COL4A2: variants seen among roughly 807,000 people sequenced by gnomAD.
The protein encoded by COL4A2 is collagen type IV alpha 2 chain.
A neutral mutation model predicts 200.2 loss-of-function variants in COL4A2; 99 were observed. The observed-to-expected ratio is 0.49, with a 90% confidence interval of 0.42 to 0.58. The LOEUF (loss-of-function observed/expected upper bound fraction) is 0.58. COL4A2 is among the 20% of genes least tolerant of loss of function. The pLI is 0.00. For missense variants in COL4A2, 1,950 were observed against 2,314.1 expected, an observed-to-expected ratio of 0.84 and a Z score of 3.23; for synonymous variants, 897 against 900.6, an observed-to-expected ratio of 1.00 and a Z score of 0.07.
chr13:110,336,519 C>G (rs746785047), intron 3 of COL4A2, among the ~76,000 whole-genome samples: 1 of 152,168 alleles, frequency 6.6e-6, no homozygotes, highest in Non-Finnish European at 1.5e-5. Flanking sequence ...CTGATCCTTA[C>G]GACGACCTGG....
chr13:110,511,173 C>T (rs1244838241), intron 47 of COL4A2, among the ~76,000 whole-genome samples: 1 of 151,734 alleles, frequency 6.6e-6, no homozygotes, highest in Non-Finnish European at 1.5e-5. Flanking sequence ...ATCCAGGAGG[C>T]CTGCCGTGCG....
intron 4 of COL4A2, among the ~76,000 whole-genome samples, chr13:110,366,295 C>A (rs973104228): frequency 3.9e-5 from 6 of 152,138 alleles, no homozygotes; most frequent in African/African-American, 1.4e-4. Context: ...ATCTGTCTTC[C>A]CTCATGCAGC....
intron 7 of COL4A2, chr13:110,429,269 T>C (rs1012849038): frequency 1.3e-5 from 2 of 152,336 alleles, no homozygotes; most frequent in Admixed American, 1.3e-4. Flanking sequence ...CTCCACCTGC[T>C]AGTTCACCTT....
At chr13:110,338,439 G>T (rs575714050) in intron 3 of COL4A2, among the ~76,000 whole-genome samples, 1 of 149,790 alleles carries the variant, frequency 6.7e-6, no homozygotes, top group Non-Finnish European at 1.5e-5. Flanking sequence ...GTGTGTGGGG[G>T]GGGGTGGGGG....
intron 3 of COL4A2, among the ~76,000 whole-genome samples, chr13:110,329,421 G>T (rs1255316867): frequency 2.6e-5 from 4 of 152,162 alleles, no homozygotes; most frequent in African/African-American, 9.7e-5. Context: ...GTGCCCTGCA[G>T]GGGAAGGCGT....
chr13:110,330,682 G>A (rs1303928787), intron 3 of COL4A2, among the ~76,000 whole-genome samples: 5 of 152,114 alleles, frequency 3.3e-5, no homozygotes, highest in East Asian at 1.9e-4. Context: ...GGGTCCCCGC[G>A]GCCTGCGGTG....
intron 20 of COL4A2, among the ~76,000 whole-genome samples, chr13:110,451,011 G>A (rs750332367): frequency 3.9e-5 from 6 of 152,186 alleles, no homozygotes; most frequent in South Asian, 2.1e-4. Context: ...AGTGACAGCC[G>A]TCCCCCAAGG....
chr13:110,398,853 AT>A (rs1422362967), intron 4 of COL4A2, among the ~76,000 whole-genome samples: 1 of 151,618 alleles, frequency 6.6e-6, no homozygotes, highest in African/African-American at 2.4e-5. Context: ...ATTTAGGTTG[AT>A]TTTTTTTTAA....
At chr13:110,507,697 C>T (rs1594117692) in intron 46 of COL4A2, 2 of 584,570 alleles carry the variant, frequency 3.4e-6, no homozygotes, top group Non-Finnish European at 6.1e-6. Flanking sequence ...CAACTTGGCC[C>T]AGTATGTGTG....
Position 110,501,777 on chromosome 13 carries a change from C to T in COL4A2, c.3870C>T (p.Gly1290=). 6.2e-7 allele frequency: 1 copy of T among 1,613,336 alleles called. No individual in the cohort carries two copies. The highest frequency in any genetic ancestry group is 8.5e-7 in the Non-Finnish European group (1 of 1,179,550). The change falls in exon 41 of 48, where the codon GGC becomes GGT. Residue 1290 remains glycine (G), a synonymous_variant. Transcript: ENST00000360467. ...ACAAAGGGGCGCCAGGGATATTTGG[C>T]CTGAAAGGTAAGCAGGACTTATACA... ...PGDKGAPGIF[G]LKGYRGPPGP... is the part of the protein sequence containing the mutation.
chr13:110,364,060 T>G (rs1339142610), intron 4 of COL4A2, among the ~76,000 whole-genome samples: 1 of 152,312 alleles, frequency 6.6e-6, no homozygotes, highest in East Asian at 1.9e-4. Flanking sequence ...GTGCTGCTGG[T>G]CGGACCTCTT....
intron 16 of COL4A2, among the ~76,000 whole-genome samples, chr13:110,442,443 TG>T (rs1353768070): frequency 6.6e-6 from 1 of 152,202 alleles, no homozygotes; most frequent in Non-Finnish European, 1.5e-5. Context: ...ACTGGCCAGG[TG>T]GCCATCACTC....
At chr13:110,502,881 C>T in intron 41 of COL4A2, 2 of 453,976 alleles carry the variant, frequency 4.4e-6, no homozygotes, top group Non-Finnish European at 7.8e-6. Flanking sequence ...AGTTCTGGAG[C>T]TGGTCGGCGG....
At chr13:110,342,739 A>G (rs1876514540) in intron 3 of COL4A2, among the ~76,000 whole-genome samples, 1 of 152,138 alleles carries the variant, frequency 6.6e-6, no homozygotes, top group Admixed American at 6.5e-5. Context: ...GGTCCAAAGC[A>G]AATCAAGTTT....
chr13:110,312,995 G>C (rs1337179055), intron 3 of COL4A2, among the ~76,000 whole-genome samples: 1 of 152,152 alleles, frequency 6.6e-6, no homozygotes, highest in Non-Finnish European at 1.5e-5. Flanking sequence ...GGTGAGCCGG[G>C]GTCTCCGCTG....
chr13:110,363,139 C>T (rs956663941), intron 4 of COL4A2, among the ~76,000 whole-genome samples: 8 of 152,214 alleles, frequency 5.3e-5, no homozygotes, highest in Non-Finnish European at 8.8e-5. Flanking sequence ...AGAGAACCCA[C>T]GTCATCAGCC....
chr13:110,381,238 C>T (rs1245623443), intron 4 of COL4A2, among the ~76,000 whole-genome samples: 3 of 151,614 alleles, frequency 2.0e-5, no homozygotes, highest in Admixed American at 6.6e-5. Flanking sequence ...GACTCTGTCT[C>T]ACACCCATGG....
chr13:110,441,158 C>G (rs967373961), intron 16 of COL4A2, among the ~76,000 whole-genome samples: 4 of 152,218 alleles, frequency 2.6e-5, no homozygotes, highest in Non-Finnish European at 5.9e-5. Context: ...ATCAAAATCA[C>G]TAGCCTCAGA....
At chr13:110,397,348 C>G (rs954326929) in intron 4 of COL4A2, among the ~76,000 whole-genome samples, 3 of 152,180 alleles carry the variant, frequency 2.0e-5, no homozygotes, top group African/African-American at 4.8e-5. Flanking sequence ...CACTCTGGGT[C>G]CCTGTCATTT....
Sources: allele counts gnomAD v4.1 joint callset (sites outside exome capture counted in the v4.1 genomes callset), GRCh38; gene constraint gnomAD v4.1.1; transcripts MANE v1.5; gene names NCBI Gene and HGNC (gene_info 2026-07-23, HGNC 2026-07-21).